RXRA: variants seen among roughly 807,000 people sequenced by gnomAD.
RXRA encodes the protein retinoic acid receptor RXR-alpha.
Under a neutral mutation model 44.5 loss-of-function variants are expected in RXRA, and 5 were observed. The ratio of observed to expected loss-of-function variants is 0.11; its 90% CI spans 0.06 to 0.24. The LOEUF (loss-of-function observed/expected upper bound fraction) is 0.24, where lower values mean the gene tolerates loss of function less well. Ranked by LOEUF, RXRA falls within the 10% of genes least tolerant of loss-of-function variation. The probability of loss-of-function intolerance (pLI) is 1.00; values close to 1 mark genes in which losing one functional copy is unlikely to be tolerated. For missense variants in RXRA, 412 were observed against 646.5 expected, an observed-to-expected ratio of 0.64 and a Z score of 3.93; for synonymous variants, 291 against 271.4, an observed-to-expected ratio of 1.07 and a Z score of -0.71.
At chr9:134,331,373 CCG>C (rs1835002430) in intron 1 of RXRA, among the ~76,000 whole-genome samples, 1 of 152,244 alleles carries the variant, frequency 6.6e-6, no homozygotes. Flanking sequence ...ATTGGCCCGG[CCG>C]CTGTGGGGAG....
chr9:134,424,735 T>G (rs1315696076), intron 6 of RXRA: 1 of 985,362 alleles, frequency 1.0e-6, no homozygotes, highest in Non-Finnish European at 1.2e-6. Context: ...GGACCTGGGT[T>G]AACTCCAAGG....
intron 6 of RXRA, chr9:134,423,632 T>C: frequency 9.1e-6 from 9 of 985,490 alleles, no homozygotes; most frequent in Non-Finnish European, 1.1e-5. Context: ...CCCGCTGGCC[T>C]CGTGTCTGGT....
At position 134,365,615 on chromosome 9, in the gene RXRA, C is replaced by A. The variant is rs1055497755; in HGVS notation, c.29-36017C>A. Among the ~76,000 whole-genome samples, 5 of 152,010 alleles carry A rather than the reference C, an allele frequency of 3.3e-5. No homozygotes were observed. The highest frequency in any genetic ancestry group is 3.3e-4 in the Admixed American group (5 of 15,266). On this transcript the variant is annotated intron_variant, in intron 1 of 9. Transcript: ENST00000481739. The surrounding 1 kb of genome is among the most constrained non-coding windows in gnomAD (Gnocchi z 4.0). ...TGGTTTCTGTGGCTTTTCTGGGGTC[C>A]TGGGCTGTCCCTCAGCAGGCCTGGG...
intron 4 of RXRA, among the ~76,000 whole-genome samples, chr9:134,410,762 C>T (rs569656760): frequency 1.3e-5 from 2 of 152,334 alleles, no homozygotes; most frequent in East Asian, 3.9e-4. Flanking sequence ...GAGGATGCCA[C>T]AGCACAGAGA....
chr9:134,367,696 C>A (rs1409786812), intron 1 of RXRA, among the ~76,000 whole-genome samples: 1 of 152,184 alleles, frequency 6.6e-6, no homozygotes, highest in Non-Finnish European at 1.5e-5. Flanking sequence ...GTGTGGGGCA[C>A]CATGGTCCCC....
intron 4 of RXRA, among the ~76,000 whole-genome samples, chr9:134,410,390 G>A (rs968616054): frequency 6.6e-6 from 1 of 152,140 alleles, no homozygotes; most frequent in African/African-American, 2.4e-5. Flanking sequence ...CCTTGCGCAG[G>A]GTCACATGCT....
intron 1 of RXRA, among the ~76,000 whole-genome samples, chr9:134,348,205 C>T (rs1163199624): frequency 2.0e-5 from 3 of 152,188 alleles, no homozygotes; most frequent in Middle Eastern, 3.2e-3. Context: ...TGGCAGGTTA[C>T]AAGAGCAGTG....
At chr9:134,423,555 T>A in intron 6 of RXRA, 7 of 985,426 alleles carry the variant, frequency 7.1e-6, no homozygotes, top group Non-Finnish European at 8.4e-6. Flanking sequence ...GGAAGGACTC[T>A]TCTGGCCATA....
chr9:134,378,272 T>G (rs1830588291), intron 1 of RXRA, among the ~76,000 whole-genome samples: 1 of 152,074 alleles, frequency 6.6e-6, no homozygotes, highest in East Asian at 1.9e-4. Context: ...GAGTTCTCTG[T>G]CTGCTGGGTC....
chr9:134,379,634 C>T, intron 1 of RXRA: 3 of 985,390 alleles, frequency 3.0e-6, no homozygotes, highest in Non-Finnish European at 3.6e-6. Flanking sequence ...CCTCCTGCTC[C>T]AGCCCCTCTC....
At chr9:134,380,166 G>A (rs1321689019) in intron 1 of RXRA, 10 of 985,348 alleles carry the variant, frequency 1.0e-5, no homozygotes, top group Non-Finnish European at 1.2e-5. Flanking sequence ...CAGGGCAGGT[G>A]CGTGTGTTGG....
Position 134,424,333 on chromosome 9 carries a change from C to T in RXRA, c.910+2528C>T, listed in dbSNP as rs992815081. ...CATCTCTGCGAGGGTGGCCTCTGCTCCTGCCCAGCGGCTCTTTCCGGGAGA... is the reference window on the plus strand; with the variant it reads ...CATCTCTGCGAGGGTGGCCTCTGCTTCTGCCCAGCGGCTCTTTCCGGGAGA... On this transcript the variant is annotated intron_variant, in intron 6 of 9. Coordinates refer to ENST00000481739, the MANE Select transcript of RXRA (RefSeq NM_002957.6). The T allele has an allele frequency of 3.0e-5, 30 of 985,290 alleles. No individual in the cohort carries two copies. The African/African-American group carries it at 4.7e-4, about 15-fold the overall frequency. 61.0% of individuals were successfully genotyped at this position (985,290 alleles called of 1,614,324 possible).
intron 1 of RXRA, among the ~76,000 whole-genome samples, chr9:134,358,502 G>T (rs1004786146): frequency 1.3e-5 from 2 of 152,198 alleles, no homozygotes; most frequent in African/African-American, 4.8e-5. Context: ...AGCCTGTGCA[G>T]TCCTCAGAGG....
intron 1 of RXRA, among the ~76,000 whole-genome samples, chr9:134,377,580 C>T (rs1238988037): frequency 1.3e-5 from 2 of 152,224 alleles, no homozygotes; most frequent in Non-Finnish European, 1.5e-5. Context: ...TCCCGCGACC[C>T]CTCGGAGATA....
rs184869924 is a variant in RXRA, at chr9:134,414,129, A to T, written c.611-3029A>T. Among the ~76,000 whole-genome samples the T allele has an allele frequency of 2.0e-5, 3 of 152,378 alleles. No individual in the cohort carries two copies. In the East Asian group the frequency reaches 5.8e-4, roughly 29 times the overall value. ...CCCCCAGCCTATAAATAAAGCGATC[A>T]TATTTATAATGATGCTGGGCAGAGC... On this transcript the variant is annotated intron_variant, in intron 4 of 9. Coordinates refer to ENST00000481739, the MANE Select transcript of RXRA (RefSeq NM_002957.6).
At chr9:134,377,610 T>C (rs34312136) in intron 1 of RXRA, among the ~76,000 whole-genome samples, 63,291 of 152,128 alleles carry the variant, frequency 0.42, 13,707 homozygotes, top group African/African-American at 0.52. Context: ...CCAACTTCCC[T>C]CTCCGGGACC....
chr9:134,436,880 C>T lies in RXRA; in HGVS notation c.*266C>T. 1 of 461,706 alleles carries T rather than the reference C, an allele frequency of 2.2e-6. No individual in the cohort carries two copies. The highest frequency in any genetic ancestry group is 3.9e-6 in the Non-Finnish European group (1 of 257,250). The allele number at this position is 461,706 out of a possible 1,614,324, so 28.6% of individuals were successfully genotyped here. A position where few individuals can be genotyped will look rare whatever the true frequency, so the allele number is the denominator to read the frequency against. ...GTGAGCCCAGCCAGGCGCCTCCCCA[C>T]CGGGCTCTCAGGACACCCTGCCACA... is the stretch of plus-strand genomic sequence containing the variant. On this transcript the variant is annotated 3_prime_UTR_variant, in exon 10 of 10. Coordinates refer to ENST00000481739, the MANE Select transcript of RXRA (RefSeq NM_002957.6).
intron 1 of RXRA, among the ~76,000 whole-genome samples, chr9:134,375,435 C>T (rs898337765): frequency 9.2e-5 from 14 of 152,102 alleles, no homozygotes; most frequent in African/African-American, 1.7e-4. Flanking sequence ...CGAGGGCTCC[C>T]GGGTGGGCTG....
At chr9:134,367,745 C>A (rs1435887222) in intron 1 of RXRA, among the ~76,000 whole-genome samples, 1 of 152,168 alleles carries the variant, frequency 6.6e-6, no homozygotes, top group Non-Finnish European at 1.5e-5. Flanking sequence ...GCAGCTCCCC[C>A]TCGGGTGGGG....
Sources: allele counts gnomAD v4.1 joint callset (sites outside exome capture counted in the v4.1 genomes callset), GRCh38; gene constraint gnomAD v4.1.1; non-coding constraint Gnocchi (gnomAD v3.1); transcripts MANE v1.5; gene names NCBI Gene and HGNC (gene_info 2026-07-23, HGNC 2026-07-21).